Variants in PLAGL2 observed in about 807,000 individuals in gnomAD.
PLAGL2 encodes PLAG1 like zinc finger 2, also known as zinc finger protein PLAGL2.
A neutral mutation model predicts 29.0 loss-of-function variants in PLAGL2; 7 were observed. That is an observed-to-expected ratio of 0.24 (90% CI 0.14 to 0.45). The LOEUF (loss-of-function observed/expected upper bound fraction) is 0.45, where lower values mean the gene tolerates loss of function less well. Ranked by LOEUF, PLAGL2 falls within the 20% of genes least tolerant of loss-of-function variation. The probability of loss-of-function intolerance (pLI) is 0.99; values close to 1 mark genes in which losing one functional copy is unlikely to be tolerated. For synonymous variants in PLAGL2, 234 were observed against 266.0 expected (o/e 0.88, Z 1.17); for missense variants, 454 against 648.2 (o/e 0.70, Z 3.25).
In PLAGL2 at chr20:32,195,214, C is replaced by G. The variant is rs2047221427; in HGVS notation, c.*1238G>C. The G allele has an allele frequency of 1.3e-5, 2 of 152,292 alleles. No homozygotes were observed. The highest frequency in any genetic ancestry group is 1.3e-4 in the Admixed American group (2 of 15,272). 9.4% of individuals were successfully genotyped at this position (152,292 alleles called of 1,614,324 possible). A position where few individuals can be genotyped will look rare whatever the true frequency, so the allele number is the denominator to read the frequency against. ...TTGGTTTGGGACACAACAATGTACC[C>G]ATAGATTAGGACTTAGCTATCTACC... is the stretch of plus-strand genomic sequence containing the variant. On this transcript the variant is annotated 3_prime_UTR_variant, in exon 3 of 3. Coordinates refer to ENST00000246229, the MANE Select transcript of PLAGL2 (RefSeq NM_002657.3).
chr20:32,205,440 A>G (rs1239931293), intron 1 of PLAGL2, among the ~76,000 whole-genome samples: 1 of 151,948 alleles, frequency 6.6e-6, no homozygotes, highest in Non-Finnish European at 1.5e-5. Context: ...CCACTTTCCT[A>G]TACTCTCTTG....
Position 32,197,737 on chromosome 20 carries a change from G to T in PLAGL2, c.261-55C>A. 3 of 1,476,392 alleles carry T rather than the reference G, an allele frequency of 2.0e-6. No homozygotes were observed. The highest frequency in any genetic ancestry group is 1.2e-5 in the South Asian group (1 of 82,378). The allele number at this position is 1,476,392 out of a possible 1,614,324, so 91.5% of individuals were successfully genotyped here. A position where few individuals can be genotyped will look rare whatever the true frequency, so the allele number is the denominator to read the frequency against. On this transcript the variant is annotated intron_variant, in intron 2 of 2. Coordinates refer to ENST00000246229, the MANE Select transcript of PLAGL2 (RefSeq NM_002657.3). The surrounding 1 kb of genome is among the most constrained non-coding windows in gnomAD (Gnocchi z 6.6). ...AAGCAGAAAGAGGGGAGATCACAAG[G>T]GATGACTGGACAACCAAAGGTGTCC... is the stretch of plus-strand genomic sequence containing the variant.
intron 2 of PLAGL2, among the ~76,000 whole-genome samples, chr20:32,199,445 A>G (rs1266421162): frequency 1.3e-5 from 2 of 152,176 alleles, no homozygotes; most frequent in Non-Finnish European, 2.9e-5. Context: ...CTCACCTAAG[A>G]TCACACAGTA....
rs2047206086 is a variant in PLAGL2 at position 32,192,511 on chromosome 20, C to G, written c.*3941G>C. ...ACAGGTTCACAACTCCCAAACACAT[C>G]ATTCAGAAGTTTTTAATAAACAACT... On this transcript the variant is annotated 3_prime_UTR_variant, in exon 3 of 3. Transcript: ENST00000246229. The G allele has an allele frequency of 6.6e-6, 1 of 152,474 alleles. No individual in the cohort carries two copies. Among genetic ancestry groups the G allele is most frequent in the Admixed American group, 6.5e-5 (1 of 15,284 alleles). 9.4% of individuals were successfully genotyped at this position (152,474 alleles called of 1,614,324 possible).
intron 1 of PLAGL2, among the ~76,000 whole-genome samples, chr20:32,207,204 C>T (rs922848991): frequency 2.0e-5 from 3 of 152,040 alleles, no homozygotes; most frequent in African/African-American, 7.3e-5. Context: ...ACAGAGCGGG[C>T]TATCTGGAGC....
At position 32,194,394 on chromosome 20, in the gene PLAGL2, A is replaced by G. The variant is rs542375391; in HGVS notation, c.*2058T>C. On this transcript the variant is annotated 3_prime_UTR_variant, in exon 3 of 3. Coordinates refer to ENST00000246229, the MANE Select transcript of PLAGL2 (RefSeq NM_002657.3). ...TAGACACTTTTTAAAATAAACCTTA[A>G]TTAGTCCCTGGGACTCACTGAAACT... is the stretch of plus-strand genomic sequence containing the variant. 7 of 152,564 alleles carry G rather than the reference A, an allele frequency of 4.6e-5. No individual in the cohort carries two copies. The South Asian group carries it at 1.4e-3, about 32-fold the overall frequency. 9.5% of individuals were successfully genotyped at this position (152,564 alleles called of 1,614,324 possible).
intron 2 of PLAGL2, among the ~76,000 whole-genome samples, chr20:32,199,452 A>G (rs1054842364): frequency 4.6e-5 from 7 of 152,214 alleles, no homozygotes; most frequent in African/African-American, 1.2e-4. Flanking sequence ...AAGATCACAC[A>G]GTAAATTATA....
At chr20:32,205,457 T>C (rs1207820872) in intron 1 of PLAGL2, among the ~76,000 whole-genome samples, 1 of 152,168 alleles carries the variant, frequency 6.6e-6, no homozygotes, top group Non-Finnish European at 1.5e-5. Flanking sequence ...CTTGTATTAT[T>C]AGGGCTCCAT....
At chr20:32,204,327 C>A (rs116478119) in intron 1 of PLAGL2, among the ~76,000 whole-genome samples, 2 of 152,138 alleles carry the variant, frequency 1.3e-5, no homozygotes. Context: ...AACATTACGT[C>A]CCCACCTCCC....
In PLAGL2 at chr20:32,196,580, C is replaced by T. The variant is rs1316740222; in HGVS notation, c.1363G>A (p.Ala455Thr). The change falls in exon 3 of 3, where the codon GCT becomes ACT. Residue 455 changes from alanine to threonine, a missense_variant. Ala to Thr is a moderately conservative substitution (Grantham distance 58). Transcript: ENST00000246229. ...EAQPLLTTLQ[A>T]QPQDSPGAGG... ...GCTCCTGGGGAATCTTGAGGCTGAG[C>T]TTGCAAAGTGGTAAGCAGGGGCTGT... 1.3e-6 allele frequency: 2 copies of T among 1,544,008 alleles called. No homozygotes were observed. Among genetic ancestry groups the T allele is most frequent in the South Asian group, 2.6e-5 (2 of 77,626 alleles).
At chr20:32,205,270 C>A (rs2047280423) in intron 1 of PLAGL2, among the ~76,000 whole-genome samples, 2 of 152,100 alleles carry the variant, frequency 1.3e-5, no homozygotes, top group African/African-American at 4.8e-5. Context: ...CTTCTCAGGC[C>A]TCAGAGTGAG....
rs2047237060 is a variant in PLAGL2, at chr20:32,197,573, T to C, written c.370A>G (p.Lys124Glu). The change falls in exon 3 of 3, where the codon AAA becomes GAA. Residue 124 changes from lysine to glutamate, a missense_variant. Lys to Glu is a moderately conservative substitution (Grantham distance 56). This residue lies in a region of PLAGL2 where 111 missense variants were observed against 173.1 expected (regional missense o/e 0.64). Coordinates refer to ENST00000246229, the MANE Select transcript of PLAGL2 (RefSeq NM_002657.3). The surrounding 1 kb of genome is among the most constrained non-coding windows in gnomAD (Gnocchi z 6.6). ...RNHLQTHDPNKEALHCSECGK... is the reference protein window; with the variant it reads ...RNHLQTHDPNEEALHCSECGK... ...CACTCAGAGCAGTGGAGGGCCTCTT[T>C]GTTAGGATCATGGGTCTGCAGATGG... 1.9e-6 allele frequency: 3 copies of C among 1,614,194 alleles called. No individual in the cohort carries two copies. The highest frequency in any genetic ancestry group is 2.5e-6 in the Non-Finnish European group (3 of 1,180,030).
intron 1 of PLAGL2, among the ~76,000 whole-genome samples, chr20:32,202,549 C>T (rs2047265402): frequency 6.6e-6 from 1 of 152,214 alleles, no homozygotes; most frequent in South Asian, 2.1e-4. Context: ...CCATTAAGTG[C>T]TTAGTGGTAG....
At chr20:32,202,431 G>C (rs377735584) in intron 1 of PLAGL2, 139 bp from the exon 2 acceptor site, 3 of 534,900 alleles carry the variant, frequency 5.6e-6, no homozygotes, top group Non-Finnish European at 9.9e-6. Flanking sequence ...ACTTCCCTGA[G>C]CTGTTTCCTC....
intron 1 of PLAGL2, among the ~76,000 whole-genome samples, chr20:32,205,103 T>A (rs995630187): frequency 2.6e-5 from 4 of 152,216 alleles, no homozygotes; most frequent in Non-Finnish European, 5.9e-5. Flanking sequence ...CCTGTAAGAT[T>A]CGTATAGAGG....
At chr20:32,206,218 A>T (rs1488195885) in intron 1 of PLAGL2, among the ~76,000 whole-genome samples, 1 of 152,252 alleles carries the variant, frequency 6.6e-6, no homozygotes, top group Non-Finnish European at 1.5e-5. Flanking sequence ...GCTGGAAAAC[A>T]GTGAGAAGAG....
At chr20:32,203,715 C>T (rs1569143314) in intron 1 of PLAGL2, among the ~76,000 whole-genome samples, 1 of 152,192 alleles carries the variant, frequency 6.6e-6, no homozygotes, top group Non-Finnish European at 1.5e-5. Flanking sequence ...AACAGACTGG[C>T]CGTGAACAAG....
At chr20:32,204,564 A>G (rs2047276204) in intron 1 of PLAGL2, among the ~76,000 whole-genome samples, 2 of 151,998 alleles carry the variant, frequency 1.3e-5, no homozygotes, top group African/African-American at 4.8e-5. Context: ...CCCTGATCCT[A>G]CTCTCCTACA....
intron 2 of PLAGL2, among the ~76,000 whole-genome samples, chr20:32,199,770 T>C (rs946425115): frequency 4.3e-4 from 65 of 151,350 alleles, no homozygotes; most frequent in African/African-American, 1.6e-3. Flanking sequence ...AGCCCAGGAG[T>C]TTGAGGCTGC....
Sources: allele counts gnomAD v4.1 joint callset (sites outside exome capture counted in the v4.1 genomes callset), GRCh38; gene constraint gnomAD v4.1.1; regional missense constraint gnomAD v4.1.1; non-coding constraint Gnocchi (gnomAD v3.1); transcripts MANE v1.5; gene names NCBI Gene and HGNC (gene_info 2026-07-23, HGNC 2026-07-21).